Variants in CSMD1 observed in about 807,000 individuals in gnomAD.
CSMD1 encodes CUB and Sushi multiple domains 1, also known as CUB and sushi domain-containing protein 1.
A neutral mutation model predicts 417.5 loss-of-function variants in CSMD1; 213 were observed. The ratio of observed to expected loss-of-function variants is 0.51; its 90% CI spans 0.46 to 0.57. The LOEUF (loss-of-function observed/expected upper bound fraction) is 0.57. CSMD1 is among the 20% of genes least tolerant of loss of function. The pLI, the probability that CSMD1 is intolerant of heterozygous loss-of-function variation, is 0.00. For missense variants in CSMD1, 6,923 were observed against 4,529.7 expected, an observed-to-expected ratio of 1.53 and a Z score of -15.17; for synonymous variants, 2,862 against 1,736.8, an observed-to-expected ratio of 1.65 and a Z score of -16.11.
intron 46 of CSMD1, among the ~76,000 whole-genome samples, chr8:3,105,911 T>C (rs1816104681): frequency 6.6e-6 from 1 of 152,350 alleles, no homozygotes; most frequent in Non-Finnish European, 1.5e-5. Context: ...TGTTACATTA[T>C]TCAGGTATTA....
chr8:4,661,063 T>C (rs1804567873), intron 1 of CSMD1, among the ~76,000 whole-genome samples: 1 of 152,200 alleles, frequency 6.6e-6, no homozygotes, highest in Non-Finnish European at 1.5e-5. Flanking sequence ...GTTGGCAGTT[T>C]CTTTATAAAA....
chr8:4,096,953 G>A (rs968851491), intron 3 of CSMD1, among the ~76,000 whole-genome samples: 2 of 152,184 alleles, frequency 1.3e-5, no homozygotes, highest in African/African-American at 4.8e-5. Flanking sequence ...ACGCCATTTA[G>A]ATGTGTGAGC....
intron 15 of CSMD1, among the ~76,000 whole-genome samples, chr8:3,402,638 G>A (rs1007883556): frequency 5.3e-5 from 8 of 152,056 alleles, no homozygotes; most frequent in South Asian, 2.1e-4. Flanking sequence ...CACTGTTTAC[G>A]TAAAGTTATA....
intron 1 of CSMD1, among the ~76,000 whole-genome samples, chr8:4,647,019 C>A (rs987777904): frequency 2.6e-5 from 4 of 152,138 alleles, no homozygotes; most frequent in Non-Finnish European, 4.4e-5. Flanking sequence ...GGTGCTGACA[C>A]GGCCCTCCTC....
intron 3 of CSMD1, among the ~76,000 whole-genome samples, chr8:4,210,038 T>C (rs1800215115): frequency 6.6e-6 from 1 of 152,178 alleles, no homozygotes; most frequent in Non-Finnish European, 1.5e-5. Flanking sequence ...TTTGGTCCAG[T>C]GTCTAAGCCC....
intron 1 of CSMD1, among the ~76,000 whole-genome samples, chr8:4,853,162 A>C (rs1034187253): frequency 6.6e-6 from 1 of 152,174 alleles, no homozygotes; most frequent in African/African-American, 2.4e-5. Context: ...TTCTAGAGAG[A>C]TTTGCATGAC....
chr8:3,937,902 G>T (rs1433975054), intron 5 of CSMD1, among the ~76,000 whole-genome samples: 1 of 152,042 alleles, frequency 6.6e-6, no homozygotes, highest in East Asian at 1.9e-4. Context: ...ATGATTTAAA[G>T]AGTTATAAAA....
intron 3 of CSMD1, among the ~76,000 whole-genome samples, chr8:4,203,005 G>C (rs779378482): frequency 9.9e-5 from 15 of 152,196 alleles, no homozygotes; most frequent in Admixed American, 8.5e-4. Context: ...GTAATTCCCA[G>C]AACCTGTGAC....
At chr8:4,434,996 C>A (rs997321119) in intron 2 of CSMD1, among the ~76,000 whole-genome samples, 1 of 152,112 alleles carries the variant, frequency 6.6e-6, no homozygotes, top group African/African-American at 2.4e-5. Flanking sequence ...ATTTTGCATA[C>A]TTTTGTCTAC....
chr8:2,985,981 G>C (rs987719972), intron 54 of CSMD1, among the ~76,000 whole-genome samples: 2 of 145,180 alleles, frequency 1.4e-5, no homozygotes, highest in African/African-American at 5.4e-5. Context: ...GAAGGGAAAG[G>C]GGAAGGGAAA....
Position 4,278,463 on chromosome 8 carries a change from T to G in CSMD1, c.415+141490A>C, listed in dbSNP as rs1009926991. On this transcript the variant is annotated intron_variant, in intron 3 of 69. Coordinates refer to ENST00000635120, the MANE Select transcript of CSMD1 (RefSeq NM_033225.6). ...GCTATAGCTATATAAAATATAATTTTTTAACATGAAAGCAGCATTTTAATA... is the reference window on the plus strand; with the variant it reads ...GCTATAGCTATATAAAATATAATTTGTTAACATGAAAGCAGCATTTTAATA... Among the ~76,000 whole-genome samples, 12 of 152,342 alleles carry G rather than the reference T, an allele frequency of 7.9e-5. No individual in the cohort carries two copies. The East Asian group carries it at 1.7e-3, about 22-fold the overall frequency.
At chr8:4,365,812 T>G (rs887589261) in intron 3 of CSMD1, among the ~76,000 whole-genome samples, 15 of 152,228 alleles carry the variant, frequency 9.9e-5, no homozygotes, top group African/African-American at 3.4e-4. Flanking sequence ...TCCAGAGGTT[T>G]TGATCTTTTG....
At chr8:2,990,695 G>A (rs1292649481) in intron 54 of CSMD1, among the ~76,000 whole-genome samples, 2 of 152,136 alleles carry the variant, frequency 1.3e-5, no homozygotes, top group African/African-American at 4.8e-5. Context: ...TGGGGAGAGT[G>A]AGAACAAAGT....
intron 7 of CSMD1, among the ~76,000 whole-genome samples, chr8:3,657,762 C>T (rs577034771): frequency 1.3e-5 from 2 of 152,108 alleles, no homozygotes; most frequent in East Asian, 1.9e-4. Context: ...GGTTGATGGG[C>T]ACAGCAAACC....
intron 3 of CSMD1, among the ~76,000 whole-genome samples, chr8:4,412,460 G>C (rs551337306): frequency 6.6e-6 from 1 of 152,188 alleles, no homozygotes; most frequent in African/African-American, 2.4e-5. Flanking sequence ...ACAGAAGCCG[G>C]GCAGATGCCA....
chr8:3,284,019 T>G, intron 26 of CSMD1, 125 bp downstream of exon 26: 1 of 872,030 alleles, frequency 1.1e-6, no homozygotes, highest in Non-Finnish European at 1.8e-6. Context: ...TTTTCCTAAC[T>G]TCAAATTAGG....
chr8:4,030,094 T>C (rs1797263653), intron 4 of CSMD1, among the ~76,000 whole-genome samples: 1 of 152,240 alleles, frequency 6.6e-6, no homozygotes, highest in African/African-American at 2.4e-5. Context: ...GATGCTTTCA[T>C]GGGCTGCTGT....
At chr8:4,186,041 G>A (rs1284462869) in intron 3 of CSMD1, among the ~76,000 whole-genome samples, 1 of 152,164 alleles carries the variant, frequency 6.6e-6, no homozygotes, top group Non-Finnish European at 1.5e-5. Flanking sequence ...CATAGTGCCT[G>A]GGTGGGCCTG....
Position 4,789,239 on chromosome 8 carries a change from C to G in CSMD1, c.86-151681G>C, listed in dbSNP as rs184049873. On this transcript the variant is annotated intron_variant, in intron 1 of 69. Transcript: ENST00000635120. Reference sequence around the variant, plus strand: ...TTAATATAAAGAAGCTATCCTGCCACTGTTTCTCATCTATGAAGATGATCT... The same window carrying G: ...TTAATATAAAGAAGCTATCCTGCCAGTGTTTCTCATCTATGAAGATGATCT... 1.7e-3 allele frequency among the ~76,000 whole-genome samples: 255 copies of G among 152,312 alleles called. 2 individuals carry two copies. Among genetic ancestry groups the G allele is most frequent in the Non-Finnish European group, 1.4e-3 (98 of 68,034 alleles).
Sources: allele counts gnomAD v4.1 joint callset (sites outside exome capture counted in the v4.1 genomes callset), GRCh38; gene constraint gnomAD v4.1.1; transcripts MANE v1.5; gene names NCBI Gene and HGNC (gene_info 2026-07-23, HGNC 2026-07-21).